PEX14: variants seen among roughly 807,000 people sequenced by gnomAD.
The protein encoded by PEX14 is peroxisomal membrane protein PEX14.
PEX14 carries 15 observed loss-of-function variants against 49.5 expected under a neutral mutation model. That is an observed-to-expected ratio of 0.30 (90% CI 0.20 to 0.47). The LOEUF is 0.47. Among genes scored for constraint, PEX14 ranks in the 20% least tolerant of loss-of-function variants. The pLI, the probability that PEX14 is intolerant of heterozygous loss-of-function variation, is 1.00. For synonymous variants in PEX14, 210 were observed against 212.7 expected, an observed-to-expected ratio of 0.99 and a Z score of 0.11; for missense variants, 398 against 494.8, an observed-to-expected ratio of 0.80 and a Z score of 1.86.
At chr1:10,596,751 T>C (rs1413762419) in intron 3 of PEX14, among the ~76,000 whole-genome samples, 1 of 152,178 alleles carries the variant, frequency 6.6e-6, no homozygotes, top group Non-Finnish European at 1.5e-5. Flanking sequence ...TTCAGTGAGA[T>C]TGTTAAAACG....
chr1:10,566,754 T>C (rs1331037606), intron 3 of PEX14, among the ~76,000 whole-genome samples: 7 of 152,098 alleles, frequency 4.6e-5, no homozygotes, highest in Non-Finnish European at 1.0e-4. Context: ...CGACCTCAGG[T>C]GATCCGCCCG....
intron 3 of PEX14, among the ~76,000 whole-genome samples, chr1:10,588,443 G>A (rs1640565766): frequency 2.6e-5 from 4 of 152,238 alleles, no homozygotes; most frequent in Admixed American, 2.6e-4. Flanking sequence ...ACGATAAAGT[G>A]GACCCCCTTT....
At chr1:10,611,622 AG>A in intron 4 of PEX14, among the ~76,000 whole-genome samples, 1 of 152,226 alleles carries the variant, frequency 6.6e-6, no homozygotes, top group South Asian at 2.1e-4. Context: ...TAAGAGTTTC[AG>A]TTGCTCCATA....
intron 3 of PEX14, among the ~76,000 whole-genome samples, chr1:10,544,241 CATT>C (rs1359579168): frequency 2.0e-5 from 3 of 152,166 alleles, no homozygotes; most frequent in Admixed American, 2.0e-4. Context: ...TGAATGAAAA[CATT>C]ATTTAATGAA....
intron 3 of PEX14, among the ~76,000 whole-genome samples, chr1:10,546,563 CAAAAAAAA>C (rs35214823): frequency 4.2e-5 from 2 of 47,782 alleles, no homozygotes; most frequent in Admixed American, 2.8e-4. Flanking sequence ...GACTCTGTTT[CAAAAAAAA>C]AAAAAAAAAA....
In PEX14 at chr1:10,628,937, G is replaced by A. The variant is rs1023868538; in HGVS notation, c.678-594G>A. Among the ~76,000 whole-genome samples the A allele has an allele frequency of 6.6e-6, 1 of 152,226 alleles. No individual in the cohort carries two copies. The highest frequency in any genetic ancestry group is 1.5e-5 in the Non-Finnish European group (1 of 68,032). On this transcript the variant is annotated intron_variant, in intron 8 of 8. Transcript: ENST00000356607. This position sits in a 1 kb window ranked among gnomAD's most constrained non-coding sequence, Gnocchi z 4.5. ...GGCTGCTGGCCCAGGAACGGAGTAC[G>A]GAGCAGAAGGGAGAGCTGCCTCTTC...
At chr1:10,475,089 C>T (rs1019377890) in intron 1 of PEX14, 87 bp downstream of exon 1, 5 of 1,319,538 alleles carry the variant, frequency 3.8e-6, no homozygotes. Flanking sequence ...GGGTAGGGAC[C>T]CCGAGTCTCC....
intron 4 of PEX14, among the ~76,000 whole-genome samples, chr1:10,601,962 C>A (rs1415012736): frequency 6.6e-6 from 1 of 152,194 alleles, no homozygotes; most frequent in Non-Finnish European, 1.5e-5. Context: ...GGTCTCTCGG[C>A]TACTTGGAAA....
rs531136453 is a variant in PEX14 at position 10,494,589 on chromosome 1, G to A, written c.37-685G>A. 6.6e-6 allele frequency among the ~76,000 whole-genome samples: 1 copy of A among 152,346 alleles called. No homozygotes were observed. The highest frequency in any genetic ancestry group is 2.1e-4 in the South Asian group (1 of 4,832). ...GTAGTGGCCCCAAGGAAGAGGAAAC[G>A]GGCTAGAGCCAGGGCCTCGGCCACA... On this transcript the variant is annotated intron_variant, in intron 1 of 8. Coordinates refer to ENST00000356607, the MANE Select transcript of PEX14 (RefSeq NM_004565.3). This position sits in a 1 kb window ranked among gnomAD's most constrained non-coding sequence, Gnocchi z 4.3.
At chr1:10,536,345 G>A in intron 3 of PEX14, 48 bp downstream of exon 3, 2 of 1,167,204 alleles carry the variant, frequency 1.7e-6, no homozygotes, top group Non-Finnish European at 1.3e-6. Flanking sequence ...GGGGACTGGG[G>A]CTGGGGCAGA....
intron 4 of PEX14, among the ~76,000 whole-genome samples, chr1:10,612,696 G>A (rs1641306602): frequency 6.6e-6 from 1 of 152,248 alleles, no homozygotes; most frequent in Admixed American, 6.5e-5. Flanking sequence ...TCTCAGCCCA[G>A]CCAGGTCCCC....
intron 3 of PEX14, among the ~76,000 whole-genome samples, chr1:10,598,228 C>T (rs918547309): frequency 4.6e-5 from 7 of 152,192 alleles, no homozygotes; most frequent in African/African-American, 1.7e-4. Context: ...CCTGCTTTTC[C>T]CACTCTCAGC....
intron 3 of PEX14, among the ~76,000 whole-genome samples, chr1:10,577,594 T>A (rs1472144101): frequency 2.2e-4 from 8 of 35,960 alleles, no homozygotes; most frequent in African/African-American, 4.7e-4. Context: ...TTTTTTTTTT[T>A]TTTTTTTTTT....
intron 3 of PEX14, among the ~76,000 whole-genome samples, chr1:10,587,823 T>C (rs1012446240): frequency 1.3e-5 from 2 of 149,432 alleles, no homozygotes; most frequent in Non-Finnish European, 3.0e-5. Context: ...AATAGCAAGG[T>C]ATAGAACAGC....
At chr1:10,504,534 C>T (rs950754526) in intron 2 of PEX14, among the ~76,000 whole-genome samples, 6 of 152,088 alleles carry the variant, frequency 3.9e-5, no homozygotes, top group Admixed American at 6.6e-5. Context: ...GTGTGTGGGG[C>T]GGTGCTCTGG....
rs1641847434 is a variant in PEX14 at position 10,629,512 on chromosome 1, C to G, written c.678-19C>G. The G allele has an allele frequency of 6.3e-7, 1 of 1,574,806 alleles. No homozygotes were observed. Among genetic ancestry groups the G allele is most frequent in the Admixed American group, 1.7e-5 (1 of 59,934 alleles). ...TCCTGAATGCCGCCACCAACCTCCTCCCCTTCTTCTCCCTCTAGGAGGCAG... is the reference window on the plus strand; with the variant it reads ...TCCTGAATGCCGCCACCAACCTCCTGCCCTTCTTCTCCCTCTAGGAGGCAG... On this transcript the variant is annotated intron_variant, in intron 8 of 8. Transcript: ENST00000356607. This position sits in a 1 kb window ranked among gnomAD's most constrained non-coding sequence, Gnocchi z 8.5.
chr1:10,605,850 C>A (rs74052154), intron 4 of PEX14, among the ~76,000 whole-genome samples: 2 of 152,030 alleles, frequency 1.3e-5, no homozygotes, highest in Non-Finnish European at 2.9e-5. Flanking sequence ...TTCTTTTGTC[C>A]GTGGTGCCGG....
intron 3 of PEX14, among the ~76,000 whole-genome samples, chr1:10,590,895 C>A (rs1239395605): frequency 6.6e-6 from 1 of 152,156 alleles, no homozygotes; most frequent in Admixed American, 6.5e-5. Flanking sequence ...ACCTTCTGAT[C>A]ACATATTTAA....
chr1:10,588,675 C>T (rs1640571307), intron 3 of PEX14, among the ~76,000 whole-genome samples: 1 of 152,152 alleles, frequency 6.6e-6, no homozygotes, highest in Non-Finnish European at 1.5e-5. Flanking sequence ...CACTTAGTAG[C>T]CCTCATGGTG....
Sources: gnomAD v4.1 joint callset for allele counts (sites outside exome capture counted in the v4.1 genomes callset) on GRCh38, gnomAD v4.1.1 for gene constraint, Gnocchi (gnomAD v3.1) non-coding constraint, MANE v1.5 for transcripts, NCBI Gene and HGNC (gene_info 2026-07-23, HGNC 2026-07-21) for gene names.